Variants in SLC35D4 observed in about 807,000 individuals in gnomAD.
The protein encoded by SLC35D4 is solute carrier family 35 member D4, also known as UDP-N-acetylglucosamine transporter SLC35D4.
chr18:23,325,939 C>A, the SLC35D4 span, among the ~76,000 whole-genome samples: 10 of 152,302 alleles, frequency 6.6e-5, no homozygotes, highest in African/African-American at 1.4e-4. Context: ...TTAAAGCCTG[C>A]GGACAAGGCA....
chr18:23,379,224 A>G, the SLC35D4 span, among the ~76,000 whole-genome samples: 2 of 151,844 alleles, frequency 1.3e-5, no homozygotes, highest in Non-Finnish European at 2.9e-5. Flanking sequence ...CCTGGGTTCA[A>G]GCGATTCTCC....
the SLC35D4 span, among the ~76,000 whole-genome samples, chr18:23,316,638 G>C: frequency 7.4e-5 from 11 of 149,294 alleles, no homozygotes; most frequent in Non-Finnish European, 1.3e-4. Context: ...TAAGCACAAT[G>C]GGATTGAGAA....
the SLC35D4 span, chr18:23,370,134 G>T: frequency 8.0e-7 from 1 of 1,242,304 alleles, no homozygotes; most frequent in Non-Finnish European, 1.1e-6. Flanking sequence ...AGCTGAGACC[G>T]CGCCATTGCA....
the SLC35D4 span, among the ~76,000 whole-genome samples, chr18:23,409,730 G>A: frequency 2.0e-5 from 3 of 152,102 alleles, no homozygotes; most frequent in South Asian, 2.1e-4. Context: ...TGTAGTCCCG[G>A]CTACTTGGGA....
At chr18:23,310,578 C>T in the SLC35D4 span, among the ~76,000 whole-genome samples, 1 of 152,138 alleles carries the variant, frequency 6.6e-6, no homozygotes, top group African/African-American at 2.4e-5. Flanking sequence ...GCTTAAGAAA[C>T]TGCTTTCTTG....
the SLC35D4 span, chr18:23,331,211 A>G: frequency 6.6e-6 from 1 of 152,332 alleles, no homozygotes; most frequent in African/African-American, 2.4e-5. Context: ...GCAGGACCAA[A>G]GGAAGAAACG....
At chr18:23,331,893 T>TA in the SLC35D4 span, among the ~76,000 whole-genome samples, 2 of 146,472 alleles carry the variant, frequency 1.4e-5, no homozygotes, top group African/African-American at 5.1e-5. Flanking sequence ...CTTTTTTTTT[T>TA]TTTTTTTTTT....
the SLC35D4 span, chr18:23,430,590 A>G: frequency 6.6e-7 from 1 of 1,520,672 alleles, no homozygotes; most frequent in Non-Finnish European, 9.0e-7. Flanking sequence ...GTGGTTGGAC[A>G]TTTCCTAAAA....
At chr18:23,406,660 C>T in the SLC35D4 span, among the ~76,000 whole-genome samples, 2 of 152,250 alleles carry the variant, frequency 1.3e-5, no homozygotes, top group Non-Finnish European at 2.9e-5. Context: ...TTTATTTCCA[C>T]ATTCAGCTAC....
the SLC35D4 span, among the ~76,000 whole-genome samples, chr18:23,414,028 A>G: frequency 0.015 from 2,203 of 147,206 alleles, 59 homozygotes; most frequent in African/African-American, 0.052. Flanking sequence ...AGGCCGAGGC[A>G]GGTGGATCAT....
chr18:23,246,794 C>T, the SLC35D4 span, among the ~76,000 whole-genome samples: 2 of 151,798 alleles, frequency 1.3e-5, no homozygotes, highest in Non-Finnish European at 2.9e-5. Flanking sequence ...CAGGTTCAAG[C>T]GATTCTTCCT....
the SLC35D4 span, chr18:23,295,987 TTGG>T: frequency 6.6e-6 from 1 of 152,192 alleles, no homozygotes; most frequent in Non-Finnish European, 1.5e-5. Flanking sequence ...TTAAACCTTC[TTGG>T]TGGGTTCAGA....
At chr18:23,316,053 C>T in the SLC35D4 span, among the ~76,000 whole-genome samples, 1 of 152,242 alleles carries the variant, frequency 6.6e-6, no homozygotes, top group African/African-American at 2.4e-5. Context: ...ACCTACTAAA[C>T]AGCATCTGCA....
the SLC35D4 span, chr18:23,252,942 T>C: frequency 3.3e-6 from 5 of 1,532,782 alleles, 1 homozygote; most frequent in South Asian, 2.2e-5. Context: ...GTGATCCGTG[T>C]TCCCCTGTCT....
chr18:23,256,382 T>TGTAAGATGAAAGATCCTTGTA, the SLC35D4 span, among the ~76,000 whole-genome samples: 3 of 152,368 alleles, frequency 2.0e-5, no homozygotes, highest in East Asian at 5.8e-4. Context: ...CCCGAGGACT[T>TGTAAGATGAAAGATCCTTGTA]AGATCCTTGT....
the SLC35D4 span, among the ~76,000 whole-genome samples, chr18:23,419,448 A>T: frequency 6.6e-6 from 1 of 151,950 alleles, no homozygotes; most frequent in Admixed American, 6.6e-5. Context: ...ATGTGCCACC[A>T]CGCCCAGCTA....
At chr18:23,424,018 G>T in the SLC35D4 span, among the ~76,000 whole-genome samples, 1 of 152,142 alleles carries the variant, frequency 6.6e-6, no homozygotes, top group Non-Finnish European at 1.5e-5. Context: ...TTACATTTGG[G>T]GAAGCTCCCT....
chr18:23,299,683 G>A, the SLC35D4 span, among the ~76,000 whole-genome samples: 1 of 152,266 alleles, frequency 6.6e-6, no homozygotes, highest in African/African-American at 2.4e-5. Context: ...TAGAGACTGG[G>A]AGAATCCCCC....
the SLC35D4 span, among the ~76,000 whole-genome samples, chr18:23,268,306 TA>T: frequency 6.6e-6 from 1 of 152,186 alleles, no homozygotes; most frequent in Non-Finnish European, 1.5e-5. Context: ...TTGCTGCCAA[TA>T]GAAGTTTCCA....
Sources: allele counts gnomAD v4.1 joint callset (sites outside exome capture counted in the v4.1 genomes callset), GRCh38; gene constraint gnomAD v4.1.1; transcripts MANE v1.5; gene names NCBI Gene and HGNC (gene_info 2026-07-23, HGNC 2026-07-21).